TMEM135: variants seen among roughly 807,000 people sequenced by gnomAD.
TMEM135 encodes peroxisomal membrane protein 52.
In TMEM135, 30 loss-of-function variants were observed where a neutral mutation model predicts 60.3. That is an observed-to-expected ratio of 0.50 (90% CI 0.37 to 0.68). The LOEUF (loss-of-function observed/expected upper bound fraction) is 0.68. Among genes scored for constraint, TMEM135 ranks in the 30% least tolerant of loss-of-function variants. The pLI is 0.00. For synonymous variants in TMEM135, 190 were observed against 186.7 expected (o/e 1.02, Z -0.14); for missense variants, 468 against 548.8 (o/e 0.85, Z 1.47).
chr11:87,214,486 C>G (rs1940454432), intron 5 of TMEM135, among the ~76,000 whole-genome samples: 1 of 151,888 alleles, frequency 6.6e-6, no homozygotes, highest in African/African-American at 2.4e-5. Context: ...TCTTTTTAGG[C>G]TGTGGTTTAG....
Position 87,201,288 on chromosome 11 carries a change from A to G in TMEM135, c.463-35350A>G, listed in dbSNP as rs142888959. ...CTTATGTATTGTAATTTTAAGTACA[A>G]CTTAATTTTCATTAGAAATACTGTC... On this transcript the variant is annotated intron_variant, in intron 5 of 14. Transcript: ENST00000305494. Among the ~76,000 whole-genome samples, 251 of 152,320 alleles carry G rather than the reference A, an allele frequency of 1.6e-3. 1 individual carries two copies. The highest frequency in any genetic ancestry group is 5.7e-3 in the African/African-American group (236 of 41,584).
At chr11:87,091,868 T>A (rs1365939266) in intron 4 of TMEM135, among the ~76,000 whole-genome samples, 1 of 151,920 alleles carries the variant, frequency 6.6e-6, no homozygotes, top group Non-Finnish European at 1.5e-5. Context: ...GGCTTCCAAA[T>A]TTTTAAGTTT....
chr11:87,175,124 C>T (rs1466857183), intron 5 of TMEM135, among the ~76,000 whole-genome samples: 2 of 152,116 alleles, frequency 1.3e-5, no homozygotes, highest in African/African-American at 4.8e-5. Flanking sequence ...AGGAAGAAGA[C>T]TGGACTAATT....
At chr11:87,301,484 C>G (rs1221614939) in intron 7 of TMEM135, among the ~76,000 whole-genome samples, 1 of 152,104 alleles carries the variant, frequency 6.6e-6, no homozygotes, top group African/African-American at 2.4e-5. Flanking sequence ...GAACTCCTGG[C>G]CACAAGTGAT....
At chr11:87,069,417 C>T (rs764519648) in intron 2 of TMEM135, among the ~76,000 whole-genome samples, 1 of 151,676 alleles carries the variant, frequency 6.6e-6, no homozygotes, top group African/African-American at 2.4e-5. Context: ...GTTGTAGAAG[C>T]ATGTATCCTG....
chr11:87,143,977 T>C (rs574706937), intron 4 of TMEM135, among the ~76,000 whole-genome samples: 1 of 152,336 alleles, frequency 6.6e-6, no homozygotes, highest in South Asian at 2.1e-4. Flanking sequence ...TCTTCCAATA[T>C]TGTTTTAAAT....
chr11:87,260,895 C>T (rs1941638612), intron 6 of TMEM135, among the ~76,000 whole-genome samples: 1 of 152,050 alleles, frequency 6.6e-6, no homozygotes, highest in Non-Finnish European at 1.5e-5. Flanking sequence ...TTCAGTAGGT[C>T]TGGGGTGGGA....
intron 3 of TMEM135, among the ~76,000 whole-genome samples, chr11:87,088,810 A>G (rs1857148734): frequency 6.6e-6 from 1 of 152,214 alleles, no homozygotes. Context: ...TCTGTGAATG[A>G]CAAAATGTCC....
At chr11:87,137,635 T>G (rs1282518713) in intron 4 of TMEM135, among the ~76,000 whole-genome samples, 1 of 151,908 alleles carries the variant, frequency 6.6e-6, no homozygotes, top group African/African-American at 2.4e-5. Flanking sequence ...TATCTTGTTT[T>G]GAAACATAGT....
intron 1 of TMEM135, among the ~76,000 whole-genome samples, chr11:87,045,676 G>C (rs1015322997): frequency 6.6e-6 from 1 of 152,180 alleles, no homozygotes; most frequent in African/African-American, 2.4e-5. Flanking sequence ...TGATTTTATT[G>C]TGATAGAGAT....
intron 4 of TMEM135, among the ~76,000 whole-genome samples, chr11:87,137,988 G>A (rs1005746785): frequency 1.3e-5 from 2 of 151,642 alleles, no homozygotes; most frequent in South Asian, 2.1e-4. Context: ...TCTTAAAACC[G>A]CTGTTAAGGT....
chr11:87,133,906 C>G (rs940958479), intron 4 of TMEM135, among the ~76,000 whole-genome samples: 2 of 152,032 alleles, frequency 1.3e-5, no homozygotes, highest in African/African-American at 4.8e-5. Flanking sequence ...TTGTTTGGTT[C>G]TATCATGATT....
At position 87,326,233 on chromosome 11, in the gene TMEM135, A is replaced by G. The variant is rs1451891548; in HGVS notation, c.*4900A>G. On this transcript the variant is annotated 3_prime_UTR_variant, in exon 15 of 15. Transcript: ENST00000305494. ...TTGGCATAGAGGCCATAGGCATACA[A>G]CATGCTTTATCTGCCTTGCTTAGAC... 6.6e-6 allele frequency: 3 copies of G among 454,024 alleles called. No individual in the cohort carries two copies. The highest frequency in any genetic ancestry group is 1.3e-5 in the Non-Finnish European group (3 of 226,774). 28.1% of individuals were successfully genotyped at this position (454,024 alleles called of 1,614,324 possible). A position where few individuals can be genotyped will look rare whatever the true frequency, so the allele number is the denominator to read the frequency against.
At chr11:87,086,627 T>C (rs1448018489) in intron 3 of TMEM135, among the ~76,000 whole-genome samples, 1 of 151,976 alleles carries the variant, frequency 6.6e-6, no homozygotes, top group Non-Finnish European at 1.5e-5. Context: ...GCTTGCTGAT[T>C]GGTTTGTGAG....
chr11:87,120,472 C>CTTTTCT lies in TMEM135; in HGVS notation c.396+29081_396+29082insCTTTTT, dbSNP rs1555106509. Reference sequence around the variant, plus strand: ...TAAAATATAGCATGAGATGAAATTTCTTTTTTTTTTTTTTTTTGAGACAGA... The same window carrying CTTTTCT: ...TAAAATATAGCATGAGATGAAATTTCTTTTCTTTTTTTTTTTTTTTTTTGAGACAGA... On this transcript the variant is annotated intron_variant, in intron 4 of 14. Coordinates refer to ENST00000305494, the MANE Select transcript of TMEM135 (RefSeq NM_022918.4). 5.8e-5 allele frequency among the ~76,000 whole-genome samples: 6 copies of CTTTTCT among 104,226 alleles called. No individual in the cohort carries two copies. In the Admixed American group the frequency reaches 6.5e-4, roughly 11 times the overall value. The allele number at this position is 104,226 out of a possible 152,430, so 68.4% of individuals were successfully genotyped here. A position where few individuals can be genotyped will look rare whatever the true frequency, so the allele number is the denominator to read the frequency against.
intron 5 of TMEM135, among the ~76,000 whole-genome samples, chr11:87,220,556 T>C (rs1940596478): frequency 6.6e-6 from 1 of 152,212 alleles, no homozygotes; most frequent in Admixed American, 6.5e-5. Flanking sequence ...GGAGTTGTTC[T>C]ACTCTGCTAA....
At chr11:87,069,444 A>G (rs1257850750) in intron 2 of TMEM135, among the ~76,000 whole-genome samples, 2 of 152,168 alleles carry the variant, frequency 1.3e-5, no homozygotes. Flanking sequence ...CTAGGAGACC[A>G]TAAGAACTCA....
intron 5 of TMEM135, among the ~76,000 whole-genome samples, chr11:87,181,499 C>T (rs925956675): frequency 6.6e-6 from 1 of 152,072 alleles, no homozygotes; most frequent in African/African-American, 2.4e-5. Context: ...TGCCAAATAT[C>T]GTGTGATTCA....
At chr11:87,307,131 A>G (rs1373225586) in intron 9 of TMEM135, among the ~76,000 whole-genome samples, 4 of 152,134 alleles carry the variant, frequency 2.6e-5, no homozygotes. Flanking sequence ...AGAGTTGTGC[A>G]GCACCCCAAA....
Sources: allele counts gnomAD v4.1 joint callset (sites outside exome capture counted in the v4.1 genomes callset), GRCh38; gene constraint gnomAD v4.1.1; transcripts MANE v1.5; gene names NCBI Gene and HGNC (gene_info 2026-07-23, HGNC 2026-07-21).